EYA4: variants seen among roughly 807,000 people sequenced by gnomAD.
The protein encoded by EYA4 is EYA transcriptional coactivator and phosphatase 4.
In EYA4, 31 loss-of-function variants were observed where a neutral mutation model predicts 87.9. The ratio of observed to expected loss-of-function variants is 0.35; its 90% CI spans 0.27 to 0.48. The LOEUF (loss-of-function observed/expected upper bound fraction) is 0.48, where lower values mean the gene tolerates loss of function less well. Ranked by LOEUF, EYA4 falls within the 20% of genes least tolerant of loss-of-function variation. The pLI is 0.99. For missense variants in EYA4, 678 were observed against 761.4 expected, an observed-to-expected ratio of 0.89 and a Z score of 1.29; for synonymous variants, 263 against 270.6, an observed-to-expected ratio of 0.97 and a Z score of 0.28.
At chr6:133,291,151 G>C (rs756311506) in intron 2 of EYA4, among the ~76,000 whole-genome samples, 1 of 152,172 alleles carries the variant, frequency 6.6e-6, no homozygotes, top group Non-Finnish European at 1.5e-5. Context: ...TTATTAGAGA[G>C]AGATGTAATT....
intron 1 of EYA4, among the ~76,000 whole-genome samples, chr6:133,249,984 T>A (rs531518841): frequency 1.1e-4 from 16 of 152,318 alleles, no homozygotes; most frequent in African/African-American, 3.8e-4. Flanking sequence ...AGTCAGTAGG[T>A]AGTTGTTATA....
intron 2 of EYA4, among the ~76,000 whole-genome samples, chr6:133,288,811 T>C (rs548426813): frequency 3.5e-4 from 53 of 152,176 alleles, no homozygotes; most frequent in African/African-American, 1.2e-3. Flanking sequence ...TTCAGAGCCA[T>C]GGCCAAGCTA....
chr6:133,382,506 G>C (rs936023519), intron 3 of EYA4, 65 bp downstream of exon 3: 1 of 1,039,654 alleles, frequency 9.6e-7, no homozygotes, highest in African/African-American at 1.6e-5. Context: ...CTAGTAAGAT[G>C]TTATACCTGA....
At chr6:133,505,991 G>GT in intron 13 of EYA4, 115 bp from the exon 14 acceptor site, 2 of 731,546 alleles carry the variant, frequency 2.7e-6, no homozygotes, top group South Asian at 3.0e-5. Context: ...TGAATCTTCA[G>GT]TAAAAACCCA....
At chr6:133,428,494 T>C (rs1790873733) in intron 3 of EYA4, among the ~76,000 whole-genome samples, 1 of 152,196 alleles carries the variant, frequency 6.6e-6, no homozygotes, top group Admixed American at 6.5e-5. Context: ...ACCCACCCAC[T>C]TTTAAACAAT....
At chr6:133,472,973 A>C (rs1166598108) in intron 11 of EYA4, among the ~76,000 whole-genome samples, 1 of 152,078 alleles carries the variant, frequency 6.6e-6, no homozygotes, top group South Asian at 2.1e-4. Context: ...CCTTTTAAAA[A>C]GACAAGCTAT....
chr6:133,380,291 T>C (rs1281676321), intron 2 of EYA4, among the ~76,000 whole-genome samples: 1 of 152,168 alleles, frequency 6.6e-6, no homozygotes, highest in Admixed American at 6.6e-5. Flanking sequence ...TAAGCATTGG[T>C]TATAAGTGTG....
intron 3 of EYA4, among the ~76,000 whole-genome samples, chr6:133,401,143 A>G (rs1788226751): frequency 6.6e-6 from 1 of 152,202 alleles, no homozygotes; most frequent in African/African-American, 2.4e-5. Flanking sequence ...CAAGCACGGA[A>G]AAGCAAGTAT....
intron 3 of EYA4, among the ~76,000 whole-genome samples, chr6:133,393,790 A>T (rs571499667): frequency 6.6e-6 from 1 of 152,312 alleles, no homozygotes; most frequent in Admixed American, 6.5e-5. Context: ...CCCAACCAGG[A>T]ACACCTCTCT....
chr6:133,246,000 C>A (rs1229177785), intron 1 of EYA4, among the ~76,000 whole-genome samples: 6 of 152,184 alleles, frequency 3.9e-5, no homozygotes, highest in African/African-American at 1.4e-4. Context: ...ACTATTCTTA[C>A]TCCCCTAACC....
At chr6:133,324,912 T>TTTTTTTTTA (rs1781378832) in intron 2 of EYA4, among the ~76,000 whole-genome samples, 1 of 140,746 alleles carries the variant, frequency 7.1e-6, no homozygotes, top group Admixed American at 7.1e-5. Context: ...CTATTTTTTT[T>TTTTTTTTTA]TTTTTTTTTT....
At chr6:133,306,128 T>C (rs781501911) in intron 2 of EYA4, among the ~76,000 whole-genome samples, 18 of 152,172 alleles carry the variant, frequency 1.2e-4, no homozygotes, top group Non-Finnish European at 2.4e-4. Context: ...CTGTCCGATG[T>C]AGACAATGCA....
rs1192591809 is a variant in EYA4, at chr6:133,493,812, C to T, written c.1191+10697C>T. Among the ~76,000 whole-genome samples, 3 of 152,158 alleles carry T rather than the reference C, an allele frequency of 2.0e-5. No homozygotes were observed. In the East Asian group the frequency reaches 5.8e-4, roughly 29 times the overall value. On this transcript the variant is annotated intron_variant, in intron 13 of 19. Transcript: ENST00000355286. ...ATAGATATTTCTCAGAAGACATACA[C>T]ATGGCAAACAGGTACGTGAAAAGGT...
intron 3 of EYA4, among the ~76,000 whole-genome samples, chr6:133,418,385 A>C (rs1237669367): frequency 6.6e-6 from 1 of 151,984 alleles, no homozygotes; most frequent in Non-Finnish European, 1.5e-5. Flanking sequence ...CATCTTACAA[A>C]TCTCCTCTCC....
chr6:133,405,852 C>G (rs296428), intron 3 of EYA4, among the ~76,000 whole-genome samples: 95,955 of 151,778 alleles, frequency 0.63, 31,744 homozygotes, highest in Non-Finnish European at 0.73. Context: ...CTGGGTCTCA[C>G]TAAGGAGGAA....
intron 19 of EYA4, chr6:133,525,811 T>C (rs1800592057): frequency 2.7e-6 from 2 of 740,288 alleles, no homozygotes; most frequent in African/African-American, 1.9e-5. Flanking sequence ...ATTTAATAGC[T>C]GAAGAAAAAC....
chr6:133,500,927 A>G (rs773693268), intron 13 of EYA4, among the ~76,000 whole-genome samples: 4 of 152,174 alleles, frequency 2.6e-5, no homozygotes, highest in Non-Finnish European at 5.9e-5. Context: ...TTGTTGCCAA[A>G]TCAAGTGTTC....
chr6:133,452,504 T>C (rs1562438681), intron 5 of EYA4, among the ~76,000 whole-genome samples: 1 of 152,086 alleles, frequency 6.6e-6, no homozygotes, highest in Non-Finnish European at 1.5e-5. Flanking sequence ...CTAAAGACAA[T>C]TTAAGGGGAC....
chr6:133,360,326 T>G (rs1329817555), intron 2 of EYA4: 3 of 152,252 alleles, frequency 2.0e-5, no homozygotes, highest in Admixed American at 6.5e-5. Context: ...ACTTTATTAT[T>G]TAGGAGAAGC....
Sources: allele counts gnomAD v4.1 joint callset (sites outside exome capture counted in the v4.1 genomes callset), GRCh38; gene constraint gnomAD v4.1.1; transcripts MANE v1.5; gene names NCBI Gene and HGNC (gene_info 2026-07-23, HGNC 2026-07-21).